Variants in ERC2 observed in about 807,000 individuals in gnomAD.
ERC2 encodes ERC protein 2.
Under a neutral mutation model 114.8 loss-of-function variants are expected in ERC2, and 42 were observed. The observed-to-expected ratio is 0.37, with a 90% confidence interval of 0.29 to 0.47. The LOEUF is 0.47. Among genes scored for constraint, ERC2 ranks in the 20% least tolerant of loss-of-function variants. The pLI is 0.99. For missense variants in ERC2, 939 were observed against 1,150.7 expected (o/e 0.82, Z 2.66); for synonymous variants, 454 against 425.5 (o/e 1.07, Z -0.82).
At chr3:56,065,674 C>A (rs1398947423) in intron 7 of ERC2, among the ~76,000 whole-genome samples, 1 of 152,096 alleles carries the variant, frequency 6.6e-6, no homozygotes, top group Admixed American at 6.5e-5. Flanking sequence ...GCTATTTTTC[C>A]TGATGCTCTC....
chr3:56,082,388 T>C (rs2149761351), intron 6 of ERC2, among the ~76,000 whole-genome samples: 1 of 152,268 alleles, frequency 6.6e-6, no homozygotes, highest in East Asian at 1.9e-4. Context: ...AGAAATCTGC[T>C]GATGCCTTGA....
intron 14 of ERC2, among the ~76,000 whole-genome samples, chr3:55,836,911 A>C (rs2149204737): frequency 6.6e-6 from 1 of 152,342 alleles, no homozygotes; most frequent in East Asian, 1.9e-4. Context: ...TTTACAAGAA[A>C]AAAACTAACA....
intron 13 of ERC2, among the ~76,000 whole-genome samples, chr3:55,905,448 G>A (rs1346375732): frequency 6.6e-6 from 1 of 151,746 alleles, no homozygotes; most frequent in South Asian, 2.1e-4. Flanking sequence ...GTGGTCGTGT[G>A]TGTGTGCAGC....
At chr3:55,704,702 T>C (rs1250986668) in intron 15 of ERC2, among the ~76,000 whole-genome samples, 1 of 152,214 alleles carries the variant, frequency 6.6e-6, no homozygotes, top group African/African-American at 2.4e-5. Flanking sequence ...AGGTCACAGT[T>C]GGAGGACAAA....
chr3:55,637,167 C>T (rs927769405), intron 17 of ERC2, among the ~76,000 whole-genome samples: 1 of 152,186 alleles, frequency 6.6e-6, no homozygotes, highest in African/African-American at 2.4e-5. Context: ...GGAATGCTCC[C>T]CTTCTTTTCT....
intron 12 of ERC2, among the ~76,000 whole-genome samples, chr3:55,952,921 C>T (rs2067680748): frequency 6.6e-6 from 1 of 152,016 alleles, no homozygotes; most frequent in East Asian, 1.9e-4. Flanking sequence ...CGGCCGGGCA[C>T]GGTGGCTCAC....
At chr3:56,403,412 C>T (rs2060593198) in intron 2 of ERC2, among the ~76,000 whole-genome samples, 1 of 152,200 alleles carries the variant, frequency 6.6e-6, no homozygotes, top group Non-Finnish European at 1.5e-5. Flanking sequence ...TCACACTAGA[C>T]ACCTTTCCAG....
chr3:55,907,643 T>C (rs910399543), intron 13 of ERC2, among the ~76,000 whole-genome samples: 8 of 152,154 alleles, frequency 5.3e-5, no homozygotes, highest in Admixed American at 6.5e-5. Flanking sequence ...GTATAAAACA[T>C]GAGGAAACAC....
chr3:56,067,249 T>C (rs2076526112), intron 7 of ERC2, among the ~76,000 whole-genome samples: 1 of 152,186 alleles, frequency 6.6e-6, no homozygotes, highest in African/African-American at 2.4e-5. Flanking sequence ...GGATTGTAGT[T>C]CTCCTTGAAG....
chr3:55,882,488 T>C (rs2063159770), intron 14 of ERC2, among the ~76,000 whole-genome samples: 1 of 152,232 alleles, frequency 6.6e-6, no homozygotes, highest in African/African-American at 2.4e-5. Flanking sequence ...TATACATAGG[T>C]TCCACATTTG....
At chr3:56,097,108 G>A (rs2078104395) in intron 6 of ERC2, among the ~76,000 whole-genome samples, 2 of 152,160 alleles carry the variant, frequency 1.3e-5, no homozygotes, top group African/African-American at 4.8e-5. Flanking sequence ...ATTCTGAAAT[G>A]GGCGGTAACA....
Position 56,296,331 on chromosome 3 carries a change from G to A in ERC2, c.762C>T (p.Phe254=), listed in dbSNP as rs765544668. Reference sequence around the variant, plus strand: ...AGTTCTCCTCGGTCAGCTCGATGGTGAAGTGCTCCGCTCCTCGGTTGCCAC... The same window carrying A: ...AGTTCTCCTCGGTCAGCTCGATGGTAAAGTGCTCCGCTCCTCGGTTGCCAC... ...QESGNRGAEH[F]TIELTEENFR... is the part of the protein sequence containing the mutation. The change falls in exon 3 of 18, where the codon TTC becomes TTT. Residue 254 remains phenylalanine, a synonymous_variant. Coordinates refer to ENST00000288221, the MANE Select transcript of ERC2 (RefSeq NM_015576.3). 6.2e-7 allele frequency: 1 copy of A among 1,614,062 alleles called. No individual in the cohort carries two copies. The highest frequency in any genetic ancestry group is 8.5e-7 in the Non-Finnish European group (1 of 1,179,908).
At chr3:55,865,949 T>C (rs1237792106) in intron 14 of ERC2, among the ~76,000 whole-genome samples, 1 of 152,210 alleles carries the variant, frequency 6.6e-6, no homozygotes, top group Non-Finnish European at 1.5e-5. Flanking sequence ...CAACATGTTT[T>C]CATTTCTTTT....
chr3:55,931,107 T>C (rs900088663), intron 13 of ERC2, among the ~76,000 whole-genome samples: 4 of 152,190 alleles, frequency 2.6e-5, no homozygotes, highest in Non-Finnish European at 5.9e-5. Context: ...AAACAACAGA[T>C]GCTGGAGAGG....
At chr3:55,755,054 C>T (rs1040418909) in intron 14 of ERC2, among the ~76,000 whole-genome samples, 1 of 151,722 alleles carries the variant, frequency 6.6e-6, no homozygotes, top group Non-Finnish European at 1.5e-5. Flanking sequence ...ATAAAATGCT[C>T]ACAGTCCTAG....
chr3:55,690,528 G>A (rs1576154121), intron 16 of ERC2, among the ~76,000 whole-genome samples: 1 of 152,146 alleles, frequency 6.6e-6, no homozygotes, highest in Non-Finnish European at 1.5e-5. Flanking sequence ...AAGCTGGAGA[G>A]TGCAGGCTAT....
intron 1 of ERC2, among the ~76,000 whole-genome samples, chr3:56,459,897 C>G (rs995716287): frequency 6.6e-6 from 1 of 152,198 alleles, no homozygotes; most frequent in African/African-American, 2.4e-5. Context: ...GCGAACTCTG[C>G]TTGGCAGAGT....
intron 2 of ERC2, among the ~76,000 whole-genome samples, chr3:56,341,965 C>T (rs2058105285): frequency 6.6e-6 from 1 of 152,224 alleles, no homozygotes; most frequent in African/African-American, 2.4e-5. Flanking sequence ...TGCAGGCTGG[C>T]TGGAGAGGCA....
At chr3:56,467,241 G>A (rs2063586123) in intron 1 of ERC2, 1 of 152,176 alleles carries the variant, frequency 6.6e-6, no homozygotes, top group Non-Finnish European at 1.5e-5. Context: ...GCATTGATTG[G>A]TTCTTTGGGT....
Sources: gnomAD v4.1 joint callset for allele counts (sites outside exome capture counted in the v4.1 genomes callset) on GRCh38, gnomAD v4.1.1 for gene constraint, MANE v1.5 for transcripts, NCBI Gene and HGNC (gene_info 2026-07-23, HGNC 2026-07-21) for gene names.